Variants in IQCM observed in about 807,000 individuals in gnomAD.
IQCM encodes IQ motif containing M.
In IQCM, 45 loss-of-function variants were observed where a neutral mutation model predicts 57.6. The ratio of observed to expected loss-of-function variants is 0.78; its 90% CI spans 0.62 to 1.00. The LOEUF (loss-of-function observed/expected upper bound fraction) is 1.00. Among genes scored for constraint, IQCM ranks in the 50% least tolerant of loss-of-function variants. The probability of loss-of-function intolerance (pLI) is 0.00; values close to 1 mark genes in which losing one functional copy is unlikely to be tolerated. For missense variants in IQCM, 468 were observed against 511.6 expected (o/e 0.91, Z 0.82); for synonymous variants, 148 against 158.9 (o/e 0.93, Z 0.51).
At chr4:149,367,279 C>T (rs183771889) in intron 13 of IQCM, among the ~76,000 whole-genome samples, 1 of 151,980 alleles carries the variant, frequency 6.6e-6, no homozygotes, top group Non-Finnish European at 1.5e-5. Context: ...TATGTATGCC[C>T]TGTATACAAA....
intron 7 of IQCM, among the ~76,000 whole-genome samples, chr4:149,639,784 C>G (rs1027906355): frequency 6.6e-6 from 1 of 152,098 alleles, no homozygotes; most frequent in African/African-American, 2.4e-5. Flanking sequence ...AAAAAATTAG[C>G]CAGGCATAGT....
At chr4:149,404,409 C>T (rs2111144628) in intron 13 of IQCM, among the ~76,000 whole-genome samples, 1 of 152,172 alleles carries the variant, frequency 6.6e-6, no homozygotes, top group East Asian at 1.9e-4. Context: ...GATGGAAACT[C>T]ACAGAAAAGT....
At chr4:149,428,773 T>C (rs1734626381) in intron 13 of IQCM, among the ~76,000 whole-genome samples, 2 of 151,708 alleles carry the variant, frequency 1.3e-5, no homozygotes, top group Non-Finnish European at 2.9e-5. Flanking sequence ...ACTTTTTTAA[T>C]GGGAAAAAAA....
chr4:149,661,243 A>T (rs1287049752), intron 7 of IQCM, among the ~76,000 whole-genome samples: 1 of 152,150 alleles, frequency 6.6e-6, no homozygotes, highest in Non-Finnish European at 1.5e-5. Flanking sequence ...CTTTCTGTTA[A>T]TGTGGTATAT....
intron 7 of IQCM, among the ~76,000 whole-genome samples, chr4:149,677,490 G>T (rs1761848057): frequency 6.6e-6 from 1 of 152,026 alleles, no homozygotes; most frequent in Non-Finnish European, 1.5e-5. Context: ...AAAGGAGGCA[G>T]TTGCCTGACA....
chr4:149,761,700 C>G (rs11723100), intron 2 of IQCM, among the ~76,000 whole-genome samples: 105,650 of 151,866 alleles, frequency 0.7, 37,620 homozygotes, highest in East Asian at 0.78. Flanking sequence ...ATAGTTCCTA[C>G]GAAGAGTCTC....
chr4:149,700,989 C>T (rs1658693524), intron 5 of IQCM, among the ~76,000 whole-genome samples: 1 of 151,936 alleles, frequency 6.6e-6, no homozygotes, highest in Non-Finnish European at 1.5e-5. Context: ...TCTTTCTTTC[C>T]CATCGTATTT....
At chr4:149,442,779 T>C (rs935158140) in intron 12 of IQCM, among the ~76,000 whole-genome samples, 1 of 152,016 alleles carries the variant, frequency 6.6e-6, no homozygotes, top group East Asian at 1.9e-4. Context: ...ATTCTACTAA[T>C]GGTCTGTTCA....
chr4:149,360,458 C>T (rs1729399223), intron 13 of IQCM, among the ~76,000 whole-genome samples: 2 of 152,124 alleles, frequency 1.3e-5, no homozygotes, highest in African/African-American at 4.8e-5. Context: ...AGTCAATTCT[C>T]TGTGTATACC....
At chr4:149,436,070 C>G (rs907604722) in intron 12 of IQCM, among the ~76,000 whole-genome samples, 7 of 152,040 alleles carry the variant, frequency 4.6e-5, no homozygotes, top group African/African-American at 1.7e-4. Context: ...ACAGTCATGT[C>G]CTAGGCCTTC....
At chr4:149,565,189 C>A (rs7686368) in intron 9 of IQCM, among the ~76,000 whole-genome samples, 115,240 of 152,004 alleles carry the variant, frequency 0.76, 44,161 homozygotes, top group South Asian at 0.9. Flanking sequence ...TGTACCTACA[C>A]CTCTGAATCC....
At chr4:149,518,687 C>A (rs1223274659) in intron 12 of IQCM, among the ~76,000 whole-genome samples, 5 of 152,098 alleles carry the variant, frequency 3.3e-5, no homozygotes, top group African/African-American at 4.8e-5. Context: ...GAAAGAATCA[C>A]AATGGATTTT....
intron 7 of IQCM, among the ~76,000 whole-genome samples, chr4:149,652,989 T>C (rs1759325422): frequency 6.6e-6 from 1 of 152,120 alleles, no homozygotes; most frequent in Non-Finnish European, 1.5e-5. Context: ...AAGAACAATC[T>C]GCCTATAAAA....
At chr4:149,436,076 C>A (rs571530543) in intron 12 of IQCM, among the ~76,000 whole-genome samples, 1 of 152,132 alleles carries the variant, frequency 6.6e-6, no homozygotes, top group Non-Finnish European at 1.5e-5. Flanking sequence ...ATGTCCTAGG[C>A]CTTCACATTC....
At chr4:149,564,029 C>T in intron 9 of IQCM, 139 bp from the exon 10 acceptor site, 1 of 447,960 alleles carries the variant, frequency 2.2e-6, no homozygotes, top group East Asian at 3.6e-5. Context: ...TGTATGATAT[C>T]ACCAGGACAT....
At chr4:149,643,070 G>T (rs746950662) in intron 7 of IQCM, among the ~76,000 whole-genome samples, 1 of 150,778 alleles carries the variant, frequency 6.6e-6, no homozygotes, top group Admixed American at 6.6e-5. Context: ...ATTATTTACC[G>T]CAGTTACATT....
intron 11 of IQCM, 117 bp downstream of exon 11, chr4:149,553,026 T>G (rs1749182098): frequency 1.4e-6 from 1 of 697,538 alleles, no homozygotes; most frequent in Admixed American, 4.3e-5. Flanking sequence ...TGCAAATTGC[T>G]TACAGCAATA....
intron 7 of IQCM, among the ~76,000 whole-genome samples, chr4:149,623,859 C>T (rs1357131964): frequency 6.6e-6 from 1 of 151,560 alleles, no homozygotes; most frequent in African/African-American, 2.4e-5. Context: ...TAAGAGTAAA[C>T]GAATCTGAGG....
chr4:149,600,303 C>T (rs979706258), intron 8 of IQCM, among the ~76,000 whole-genome samples: 1 of 152,112 alleles, frequency 6.6e-6, no homozygotes. Flanking sequence ...TTCACCAAGA[C>T]TCTGCAAAGC....
Sources: allele counts gnomAD v4.1 joint callset (sites outside exome capture counted in the v4.1 genomes callset), GRCh38; gene constraint gnomAD v4.1.1; transcripts MANE v1.5; gene names NCBI Gene and HGNC (gene_info 2026-07-23, HGNC 2026-07-21).